The following CDKAL1 variants were observed in gnomAD, a reference collection of about 807,000 sequenced individuals.
CDKAL1 encodes the protein threonylcarbamoyladenosine tRNA methylthiotransferase.
A neutral mutation model predicts 68.2 loss-of-function variants in CDKAL1; 32 were observed. The ratio of observed to expected loss-of-function variants is 0.47; its 90% CI spans 0.35 to 0.63. CDKAL1 has a LOEUF of 0.63. Among genes scored for constraint, CDKAL1 ranks in the 30% least tolerant of loss-of-function variants. The pLI, the probability that CDKAL1 is intolerant of heterozygous loss-of-function variation, is 0.00. For synonymous variants in CDKAL1, 234 were observed against 244.3 expected (o/e 0.96, Z 0.39); for missense variants, 606 against 696.7 (o/e 0.87, Z 1.47).
chr6:20,901,781 G>A (rs941886371), intron 9 of CDKAL1, among the ~76,000 whole-genome samples: 8 of 149,706 alleles, frequency 5.3e-5, no homozygotes, highest in Non-Finnish European at 1.0e-4. Flanking sequence ...TTGTTTGTTC[G>A]TTTGTTTTTT....
chr6:21,140,264 T>C (rs1775828551), intron 13 of CDKAL1, among the ~76,000 whole-genome samples: 1 of 152,228 alleles, frequency 6.6e-6, no homozygotes, highest in Non-Finnish European at 1.5e-5. Flanking sequence ...TAAAGGAACC[T>C]AGGCTAGTAG....
chr6:21,212,815 C>T (rs1405642236), intron 15 of CDKAL1, among the ~76,000 whole-genome samples: 1 of 152,108 alleles, frequency 6.6e-6, no homozygotes, highest in African/African-American at 2.4e-5. Flanking sequence ...TCTCCTGTCC[C>T]TCTCTCTCCT....
chr6:20,857,078 G>A (rs1174371289), intron 9 of CDKAL1, among the ~76,000 whole-genome samples: 3 of 152,078 alleles, frequency 2.0e-5, no homozygotes, highest in East Asian at 1.9e-4. Context: ...TTGTTAGTGG[G>A]ACCTTGGCTG....
At chr6:20,680,168 GT>G (rs1770311050) in intron 5 of CDKAL1, among the ~76,000 whole-genome samples, 1 of 152,056 alleles carries the variant, frequency 6.6e-6, no homozygotes. Context: ...CCCAGGTCAA[GT>G]GTTTCTTGTG....
chr6:20,604,168 A>T (rs1766231507), intron 4 of CDKAL1, among the ~76,000 whole-genome samples: 1 of 152,198 alleles, frequency 6.6e-6, no homozygotes, highest in Non-Finnish European at 1.5e-5. Context: ...TGTGCATGTC[A>T]GTCAGCCTTT....
At chr6:21,191,856 G>A (rs1778251843) in intron 13 of CDKAL1, among the ~76,000 whole-genome samples, 2 of 151,754 alleles carry the variant, frequency 1.3e-5, no homozygotes, top group South Asian at 4.2e-4. Flanking sequence ...TGGGGGCCGT[G>A]TTTCCCAGCA....
At chr6:20,814,130 T>C (rs1408653824) in intron 8 of CDKAL1, among the ~76,000 whole-genome samples, 2 of 152,118 alleles carry the variant, frequency 1.3e-5, no homozygotes, top group African/African-American at 4.8e-5. Flanking sequence ...TTAATAGGTC[T>C]TGCATATCTT....
chr6:21,074,478 A>C lies in CDKAL1; in HGVS notation c.1236+9250A>C, dbSNP rs1771959358. ...TTCAGTATGACTTTTTGTGGGGGAT[A>C]CAATTCAATCCACGAGACTCTTCTA... On this transcript the variant is annotated intron_variant, in intron 12 of 15. Transcript: ENST00000274695. Among the ~76,000 whole-genome samples the C allele has an allele frequency of 2.6e-5, 4 of 152,304 alleles. No homozygotes were observed. The South Asian group carries it at 8.3e-4, about 32-fold the overall frequency.
intron 10 of CDKAL1, among the ~76,000 whole-genome samples, chr6:20,965,101 A>G (rs1219187635): frequency 1.3e-5 from 2 of 152,126 alleles, no homozygotes; most frequent in Admixed American, 6.5e-5. Context: ...GCTTGAGGTC[A>G]GGAGTTTGAG....
chr6:20,721,788 A>C (rs1336168496), intron 5 of CDKAL1, among the ~76,000 whole-genome samples: 1 of 138,368 alleles, frequency 7.2e-6, no homozygotes, highest in Non-Finnish European at 1.5e-5. Context: ...GCTAGAGTGC[A>C]ATGGCATGGT....
chr6:20,622,644 G>A (rs759611306), intron 4 of CDKAL1, among the ~76,000 whole-genome samples: 3 of 151,940 alleles, frequency 2.0e-5, no homozygotes, highest in Non-Finnish European at 4.4e-5. Flanking sequence ...TAGTTCATTG[G>A]GTTCAGAGAG....
At chr6:20,903,414 A>T (rs563386469) in intron 9 of CDKAL1, among the ~76,000 whole-genome samples, 1 of 152,232 alleles carries the variant, frequency 6.6e-6, no homozygotes, top group East Asian at 1.9e-4. Context: ...TTATAATTGA[A>T]TATTAGTAAT....
intron 15 of CDKAL1, among the ~76,000 whole-genome samples, chr6:21,208,306 A>G (rs1046373368): frequency 2.0e-5 from 3 of 152,198 alleles, no homozygotes; most frequent in African/African-American, 7.2e-5. Context: ...TGTACAAACT[A>G]TACTATATTC....
chr6:20,695,582 C>T (rs766261062), intron 5 of CDKAL1, among the ~76,000 whole-genome samples: 4 of 152,098 alleles, frequency 2.6e-5, no homozygotes, highest in Non-Finnish European at 4.4e-5. Flanking sequence ...AATTCATTTG[C>T]ACCACTAGTT....
At chr6:20,786,447 G>A (rs1218379900) in intron 8 of CDKAL1, among the ~76,000 whole-genome samples, 2 of 144,654 alleles carry the variant, frequency 1.4e-5, no homozygotes, top group African/African-American at 5.1e-5. Flanking sequence ...TTGATAAGCT[G>A]TTTTCGTCAG....
rs1406736856 is a variant in CDKAL1, at chr6:20,618,866, A to G, written c.287-30427A>G. ...CCTAATTTTTGTATTTTTTGTGGAG[A>G]TGAGGTTTTGTCATGTTGCCTGGGC... On this transcript the variant is annotated intron_variant, in intron 4 of 15. Coordinates refer to ENST00000274695, the MANE Select transcript of CDKAL1 (RefSeq NM_017774.3). Among the ~76,000 whole-genome samples, 3 of 151,872 alleles carry G rather than the reference A, an allele frequency of 2.0e-5. No homozygotes were observed. The East Asian group carries it at 5.8e-4, about 29-fold the overall frequency.
intron 9 of CDKAL1, among the ~76,000 whole-genome samples, chr6:20,916,943 A>C (rs370056562): frequency 1.3e-5 from 2 of 152,052 alleles, no homozygotes; most frequent in African/African-American, 4.8e-5. Context: ...TTGTTACTGA[A>C]GTATTATAAA....
chr6:20,699,852 C>T (rs916954987), intron 5 of CDKAL1, among the ~76,000 whole-genome samples: 2 of 152,114 alleles, frequency 1.3e-5, no homozygotes, highest in African/African-American at 4.8e-5. Flanking sequence ...TTAATTTTAC[C>T]TGTCTACTGA....
intron 9 of CDKAL1, among the ~76,000 whole-genome samples, chr6:20,896,085 T>G (rs910399185): frequency 3.1e-5 from 4 of 128,702 alleles, no homozygotes; most frequent in Admixed American, 2.7e-4. Flanking sequence ...TTTTCTTTTT[T>G]TTCTTTTCTT....
Sources: gnomAD v4.1 joint callset for allele counts (sites outside exome capture counted in the v4.1 genomes callset) on GRCh38, gnomAD v4.1.1 for gene constraint, MANE v1.5 for transcripts, NCBI Gene and HGNC (gene_info 2026-07-23, HGNC 2026-07-21) for gene names.